Variants in ANO10 observed in about 807,000 individuals in gnomAD.
The protein encoded by ANO10 is anoctamin-10.
A neutral mutation model predicts 74.7 loss-of-function variants in ANO10; 77 were observed. The ratio of observed to expected loss-of-function variants is 1.03; its 90% CI spans 0.86 to 1.25. The LOEUF (loss-of-function observed/expected upper bound fraction) is 1.25. ANO10 is among the 50% of genes most tolerant of loss of function. ANO10 has a pLI of 0.00. For synonymous variants in ANO10, 279 were observed against 284.9 expected (o/e 0.98, Z 0.21); for missense variants, 721 against 778.1 (o/e 0.93, Z 0.87).
intron 1 of ANO10, among the ~76,000 whole-genome samples, chr3:43,627,123 T>A (rs1054362790): frequency 6.6e-6 from 1 of 152,240 alleles, no homozygotes; most frequent in Non-Finnish European, 1.5e-5. Flanking sequence ...AAGGCCACCA[T>A]CCACCATTGT....
chr3:43,563,415 G>A (rs1166861249), intron 8 of ANO10, among the ~76,000 whole-genome samples: 1 of 103,466 alleles, frequency 9.7e-6, no homozygotes, highest in East Asian at 3.3e-4. Flanking sequence ...AGTATGGCGA[G>A]AGGTTTTTTT....
At chr3:43,634,916 G>A (rs973267056) in intron 1 of ANO10, among the ~76,000 whole-genome samples, 7 of 152,166 alleles carry the variant, frequency 4.6e-5, no homozygotes, top group African/African-American at 1.7e-4. Context: ...CCTGTGGCAT[G>A]TGTGAATTAG....
chr3:43,617,298 T>G (rs1390349212), intron 1 of ANO10, among the ~76,000 whole-genome samples: 1 of 151,886 alleles, frequency 6.6e-6, no homozygotes, highest in Admixed American at 6.6e-5. Flanking sequence ...ACAGACTTCC[T>G]GGGCACCAGA....
intron 1 of ANO10, among the ~76,000 whole-genome samples, chr3:43,680,368 A>C (rs1013643684): frequency 6.6e-6 from 1 of 152,212 alleles, no homozygotes; most frequent in African/African-American, 2.4e-5. Context: ...AAATGAAGCA[A>C]GAAGAGAAGT....
chr3:43,401,638 T>C (rs1178219351), intron 12 of ANO10, among the ~76,000 whole-genome samples: 1 of 152,374 alleles, frequency 6.6e-6, no homozygotes, highest in Non-Finnish European at 1.5e-5. Context: ...GAAAAATTAA[T>C]GAATTAAAAT....
chr3:43,541,805 C>A (rs889731152), intron 11 of ANO10, among the ~76,000 whole-genome samples: 1 of 152,172 alleles, frequency 6.6e-6, no homozygotes, highest in African/African-American at 2.4e-5. Flanking sequence ...AATGGAGCCA[C>A]GTGATTGTCA....
At chr3:43,567,665 C>A (rs1380125777) in intron 7 of ANO10, among the ~76,000 whole-genome samples, 3 of 152,018 alleles carry the variant, frequency 2.0e-5, no homozygotes, top group Admixed American at 6.6e-5. Context: ...GCCTGCCTTA[C>A]AAGAGCTCCT....
intron 12 of ANO10, among the ~76,000 whole-genome samples, chr3:43,373,633 T>C (rs2091695833): frequency 6.6e-6 from 1 of 152,230 alleles, no homozygotes; most frequent in South Asian, 2.1e-4. Context: ...AGACTGCAAA[T>C]TACTTCCCAT....
In ANO10 at chr3:43,448,849, TTTTC is replaced by T. The variant is rs1271519176; in HGVS notation, c.1798-16126_1798-16123del. Among the ~76,000 whole-genome samples the T allele has an allele frequency of 4.9e-3, 733 of 149,046 alleles. 5 individuals carry two copies. Among genetic ancestry groups the T allele is most frequent in the African/African-American group, 0.016 (633 of 40,828 alleles). ...TATTGGATTGTTTGTTTATGGATTG[TTTTC>T]TTTCTTTCTTTCTTTCTTTCTTTTT... On this transcript the variant is annotated intron_variant, in intron 11 of 12. Coordinates refer to ENST00000292246, the MANE Select transcript of ANO10 (RefSeq NM_018075.5).
At chr3:43,383,916 C>T (rs2092043850) in intron 12 of ANO10, among the ~76,000 whole-genome samples, 1 of 152,090 alleles carries the variant, frequency 6.6e-6, no homozygotes, top group Admixed American at 6.6e-5. Context: ...AAGTCCTAGC[C>T]AGAGCAATCA....
At chr3:43,456,054 A>G (rs1302581666) in intron 11 of ANO10, among the ~76,000 whole-genome samples, 2 of 152,200 alleles carry the variant, frequency 1.3e-5, no homozygotes. Context: ...ATTTCTTTAA[A>G]TAGAAATTGA....
At chr3:43,691,312 C>T (rs1468313249) in intron 1 of ANO10, 1 of 324,490 alleles carries the variant, frequency 3.1e-6, no homozygotes, top group Admixed American at 4.9e-5. Flanking sequence ...CGCGGAGGGT[C>T]CGCCCCGTTG....
intron 11 of ANO10, among the ~76,000 whole-genome samples, chr3:43,542,076 TTC>T: frequency 6.6e-6 from 1 of 152,238 alleles, no homozygotes; most frequent in East Asian, 1.9e-4. Flanking sequence ...CCAGAAGGCT[TTC>T]CTTCTGTAAA....
chr3:43,408,447 T>A (rs1486323035), intron 12 of ANO10, among the ~76,000 whole-genome samples: 1 of 151,818 alleles, frequency 6.6e-6, no homozygotes. Context: ...TGAAAATGGG[T>A]TTTTCAACTT....
chr3:43,400,753 C>T (rs906110368), intron 12 of ANO10, among the ~76,000 whole-genome samples: 1 of 152,074 alleles, frequency 6.6e-6, no homozygotes, highest in Non-Finnish European at 1.5e-5. Flanking sequence ...GAACTCCAGC[C>T]TGGGAGAGTG....
At chr3:43,378,690 G>T (rs2091879650) in intron 12 of ANO10, among the ~76,000 whole-genome samples, 1 of 152,110 alleles carries the variant, frequency 6.6e-6, no homozygotes, top group Admixed American at 6.5e-5. Flanking sequence ...CCCTGTTCCT[G>T]GCCAGTTGAG....
At chr3:43,483,235 T>C (rs2076339836) in intron 11 of ANO10, among the ~76,000 whole-genome samples, 1 of 152,198 alleles carries the variant, frequency 6.6e-6, no homozygotes, top group Non-Finnish European at 1.5e-5. Flanking sequence ...TGCGTAACTC[T>C]AGCAAGAGTA....
chr3:43,650,280 C>G (rs2083772793), intron 1 of ANO10, among the ~76,000 whole-genome samples: 1 of 152,140 alleles, frequency 6.6e-6, no homozygotes, highest in African/African-American at 2.4e-5. Flanking sequence ...CTTCGACTGT[C>G]CCTGGCTGAA....
At chr3:43,396,673 C>T (rs1405568040) in intron 12 of ANO10, among the ~76,000 whole-genome samples, 1 of 151,230 alleles carries the variant, frequency 6.6e-6, no homozygotes, top group Non-Finnish European at 1.5e-5. Flanking sequence ...TCTTTTTTTT[C>T]CCCCAGAGAC....
Sources: allele counts gnomAD v4.1 joint callset (sites outside exome capture counted in the v4.1 genomes callset), GRCh38; gene constraint gnomAD v4.1.1; transcripts MANE v1.5; gene names NCBI Gene and HGNC (gene_info 2026-07-23, HGNC 2026-07-21).